The following MED13L variants were observed in gnomAD, a reference collection of about 807,000 sequenced individuals.
MED13L encodes the protein mediator complex subunit 13L.
MED13L carries 7 observed loss-of-function variants against 220.9 expected under a neutral mutation model. That is an observed-to-expected ratio of 0.03 (90% confidence interval 0.02 to 0.06). The LOEUF is 0.06. Ranked by LOEUF, MED13L falls within the 10% of genes least tolerant of loss-of-function variation. MED13L has a pLI of 1.00. For missense variants in MED13L, 1,965 were observed against 2,760.5 expected, an observed-to-expected ratio of 0.71 and a Z score of 6.46; for synonymous variants, 1,011 against 1,015.2, an observed-to-expected ratio of 1.00 and a Z score of 0.08.
At chr12:116,082,976 C>T (rs569610277) in intron 4 of MED13L, among the ~76,000 whole-genome samples, 1 of 152,334 alleles carries the variant, frequency 6.6e-6, no homozygotes, top group East Asian at 1.9e-4. Flanking sequence ...AAATTAGGAT[C>T]ATTTAATTTT....
At chr12:116,105,064 C>T (rs1873433910) in intron 3 of MED13L, among the ~76,000 whole-genome samples, 1 of 152,082 alleles carries the variant, frequency 6.6e-6, no homozygotes, top group Admixed American at 6.6e-5. Context: ...ACTAACTATC[C>T]TAACAAAGTA....
At chr12:116,153,804 T>C (rs1301531198) in intron 2 of MED13L, among the ~76,000 whole-genome samples, 1 of 152,196 alleles carries the variant, frequency 6.6e-6, no homozygotes, top group Non-Finnish European at 1.5e-5. Context: ...AATGCTCCCT[T>C]TGTGCTGAGA....
rs1432425339 is a variant in MED13L, at chr12:115,970,629, T to C, written c.6032A>G (p.Asn2011Ser). 1.9e-6 allele frequency: 3 copies of C among 1,613,812 alleles called. No individual in the cohort carries two copies. Among genetic ancestry groups the C allele is most frequent in the Middle Eastern group, 1.7e-4 (1 of 6,048 alleles). The change falls in exon 27 of 31, where the codon AAC becomes AGC. Residue 2011 changes from asparagine (N) to serine (S), a missense_variant. By Grantham distance (46) the Asn-to-Ser change is conservative. Coordinates refer to ENST00000281928, the MANE Select transcript of MED13L (RefSeq NM_015335.5). ...GCTAAACCCATCTTCATTGGGGTAG[T>C]TGGCTGGAGCCACCTGGATGGTTGA... Reference protein sequence around the residue: ...TSSTIQVAPANYPNEDGFSPN... With the variant: ...TSSTIQVAPASYPNEDGFSPN...
At chr12:116,011,937 A>G in intron 9 of MED13L, among the ~76,000 whole-genome samples, 1 of 152,232 alleles carries the variant, frequency 6.6e-6, no homozygotes, top group East Asian at 1.9e-4. Context: ...CTCAGCCTGA[A>G]GCCAAGTCAC....
At chr12:116,093,877 ATTAAT>A (rs1186420250) in intron 4 of MED13L, among the ~76,000 whole-genome samples, 1 of 152,162 alleles carries the variant, frequency 6.6e-6, no homozygotes, top group Admixed American at 6.5e-5. Context: ...CTTAAGAAAA[ATTAAT>A]TTAATTCATT....
chr12:116,142,995 G>A (rs540231993), intron 2 of MED13L, among the ~76,000 whole-genome samples: 62 of 152,232 alleles, frequency 4.1e-4, no homozygotes, highest in Non-Finnish European at 7.8e-4. Context: ...GACAAGTTTC[G>A]TGGGCTCAGG....
At chr12:116,063,453 G>A (rs576236441) in intron 4 of MED13L, among the ~76,000 whole-genome samples, 1 of 152,324 alleles carries the variant, frequency 6.6e-6, no homozygotes, top group Non-Finnish European at 1.5e-5. Flanking sequence ...AGGAGATCCA[G>A]GCTACAGTGA....
intron 1 of MED13L, among the ~76,000 whole-genome samples, chr12:116,275,747 C>G (rs1298438534): frequency 1.3e-5 from 2 of 151,552 alleles, no homozygotes; most frequent in African/African-American, 2.4e-5. Context: ...ACCTCCCCCC[C>G]AAAAAAAACA....
chr12:116,028,099 C>A (rs1008455407), intron 4 of MED13L, among the ~76,000 whole-genome samples: 3 of 152,132 alleles, frequency 2.0e-5, no homozygotes, highest in African/African-American at 7.2e-5. Flanking sequence ...TGGAATTGGC[C>A]TTAAAATTCA....
In MED13L at chr12:116,164,828, A is replaced by C. The variant is rs181335581; in HGVS notation, c.311-53316T>G. On this transcript the variant is annotated intron_variant, in intron 2 of 30. Transcript: ENST00000281928. Reference sequence around the variant, plus strand: ...TTAGCCTGAAATGTAGGCTATAGCAAATATACAATTCAAGAACCACTCTAT... The same window carrying C: ...TTAGCCTGAAATGTAGGCTATAGCACATATACAATTCAAGAACCACTCTAT... Among the ~76,000 whole-genome samples the C allele has an allele frequency of 1.1e-3, 161 of 152,330 alleles. 3 individuals are homozygous for C. Among genetic ancestry groups the C allele is most frequent in the African/African-American group, 3.7e-3 (154 of 41,572 alleles).
chr12:116,020,909 T>C (rs1248723083), intron 5 of MED13L, among the ~76,000 whole-genome samples: 2 of 152,240 alleles, frequency 1.3e-5, no homozygotes, highest in East Asian at 1.9e-4. Context: ...CTAGATCATA[T>C]GTCACATCAA....
intron 4 of MED13L, among the ~76,000 whole-genome samples, chr12:116,083,733 A>G (rs1490703898): frequency 2.0e-5 from 3 of 152,210 alleles, no homozygotes; most frequent in African/African-American, 7.2e-5. Context: ...CTGAGCATTT[A>G]TCATGTGGGT....
intron 1 of MED13L, 31 bp downstream of exon 1, chr12:116,277,025 CGGCA>C: frequency 7.7e-6 from 11 of 1,434,286 alleles, no homozygotes; most frequent in South Asian, 1.2e-5. Flanking sequence ...CCCCCTTCCC[CGGCA>C]CAGCCCCCTC....
intron 9 of MED13L, 23 bp from the exon 10 acceptor site, chr12:116,009,155 C>T (rs367910424): frequency 1.9e-6 from 3 of 1,613,374 alleles, no homozygotes; most frequent in South Asian, 2.2e-5. Flanking sequence ...TAAACAATTA[C>T]ATCATTATAA....
intron 2 of MED13L, among the ~76,000 whole-genome samples, chr12:116,166,412 T>C (rs1327399830): frequency 2.0e-5 from 3 of 151,976 alleles, no homozygotes; most frequent in Non-Finnish European, 2.9e-5. Flanking sequence ...TCCTGCCTAA[T>C]ACAGCCATCT....
intron 1 of MED13L, chr12:116,276,561 T>C (rs1873855300): frequency 1.6e-6 from 2 of 1,246,532 alleles, no homozygotes; most frequent in Admixed American, 3.1e-5. Flanking sequence ...TCGCATTCAA[T>C]CAACTATTTT....
chr12:116,065,116 T>C (rs1383462569), intron 4 of MED13L, among the ~76,000 whole-genome samples: 1 of 152,208 alleles, frequency 6.6e-6, no homozygotes, highest in Non-Finnish European at 1.5e-5. Flanking sequence ...GCAACATTAT[T>C]AAATATTAAT....
chr12:116,025,663 A>G (rs1441772317), intron 4 of MED13L, among the ~76,000 whole-genome samples: 1 of 152,204 alleles, frequency 6.6e-6, no homozygotes, highest in Non-Finnish European at 1.5e-5. Context: ...TCACATGTGG[A>G]ATCTAAAAAA....
intron 2 of MED13L, among the ~76,000 whole-genome samples, chr12:116,199,348 C>T (rs1322342079): frequency 6.6e-6 from 1 of 152,086 alleles, no homozygotes; most frequent in Non-Finnish European, 1.5e-5. Context: ...TTAAGAAAAT[C>T]AAAAAGAGAG....
Sources: gnomAD v4.1 joint callset for allele counts (sites outside exome capture counted in the v4.1 genomes callset) on GRCh38, gnomAD v4.1.1 for gene constraint, MANE v1.5 for transcripts, NCBI Gene and HGNC (gene_info 2026-07-23, HGNC 2026-07-21) for gene names.